Variants in FAM53A observed in about 807,000 individuals in gnomAD.
FAM53A encodes the protein protein FAM53A.
FAM53A carries 28 observed loss-of-function variants against 26.6 expected under a neutral mutation model. That is an observed-to-expected ratio of 1.05 (90% CI 0.78 to 1.45). The LOEUF is 1.45. FAM53A is among the 40% of genes most tolerant of loss of function. The probability of loss-of-function intolerance (pLI) is 0.00; values close to 1 mark genes in which losing one functional copy is unlikely to be tolerated. For synonymous variants in FAM53A, 290 were observed against 253.1 expected, an observed-to-expected ratio of 1.15 and a Z score of -1.38; for missense variants, 650 against 575.8, an observed-to-expected ratio of 1.13 and a Z score of -1.32.
Position 1,657,434 on chromosome 4 carries a change from C to T in FAM53A, c.110G>A (p.Gly37Asp). Residue 37 changes from glycine to aspartate, a missense_variant, in exon 3 of 5, where the codon GGT becomes GAT. By Grantham distance (94) the Gly-to-Asp change is moderately conservative. Coordinates refer to ENST00000308132, the MANE Select transcript of FAM53A (RefSeq NM_001174070.3). ...GTTGAGCTCCAAAGGGAACAGACGACCGCTCTTGTTCAGGGTTTCCGCAGA... is the reference window on the plus strand; with the variant it reads ...GTTGAGCTCCAAAGGGAACAGACGATCGCTCTTGTTCAGGGTTTCCGCAGA... Reference protein sequence around the residue: ...QYSAETLNKSGRLFPLELNDQ... With the variant: ...QYSAETLNKSDRLFPLELNDQ... 1 of 1,613,870 alleles carries T rather than the reference C, an allele frequency of 6.2e-7. No individual in the cohort carries two copies. The highest frequency in any genetic ancestry group is 8.5e-7 in the Non-Finnish European group (1 of 1,179,874).
downstream of FAM53A, among the ~76,000 whole-genome samples, chr4:1,634,983 G>T (rs1715776381): frequency 6.6e-6 from 1 of 151,876 alleles, no homozygotes; most frequent in Admixed American, 6.6e-5. Context: ...TTTCATTCTG[G>T]TAAGTGGCTG....
At chr4:1,574,484 C>G in the FAM53A span, 1 of 152,482 alleles carries the variant, frequency 6.6e-6, no homozygotes, top group South Asian at 2.1e-4. Context: ...GTCAGTGAAG[C>G]CCCCACTCAA....
chr4:1,675,395 GC>G (rs1483440465), intron 1 of FAM53A, among the ~76,000 whole-genome samples: 1 of 152,148 alleles, frequency 6.6e-6, no homozygotes, highest in Non-Finnish European at 1.5e-5. Flanking sequence ...TCCCTCCCAA[GC>G]CCACGAGCAC....
chr4:1,615,289 C>A (rs112910072), downstream of FAM53A, among the ~76,000 whole-genome samples: 1 of 132,382 alleles, frequency 7.6e-6, no homozygotes, highest in Admixed American at 7.8e-5. Flanking sequence ...TGGGCCCACA[C>A]GGAAGACAGG....
the FAM53A span, among the ~76,000 whole-genome samples, chr4:1,602,482 T>C: frequency 1.3e-5 from 2 of 152,242 alleles, no homozygotes; most frequent in African/African-American, 4.8e-5. Flanking sequence ...AATGAATCGC[T>C]GACCTTTCTG....
At chr4:1,580,650 C>G in the FAM53A span, among the ~76,000 whole-genome samples, 46 of 148,676 alleles carry the variant, frequency 3.1e-4, 1 homozygote, top group African/African-American at 1.0e-3. Context: ...CTCAGGGCCC[C>G]GCCTCCCGCC....
the FAM53A span, among the ~76,000 whole-genome samples, chr4:1,585,274 CTCTTT>C: frequency 2.5e-5 from 2 of 79,222 alleles, no homozygotes; most frequent in African/African-American, 3.6e-5. Context: ...CTCTCTCTCT[CTCTTT>C]TTTTTTTTTT....
chr4:1,683,061 C>T (rs1715566056), intron 1 of FAM53A, among the ~76,000 whole-genome samples: 1 of 152,198 alleles, frequency 6.6e-6, no homozygotes, highest in South Asian at 2.1e-4. Flanking sequence ...TGCCAGTACC[C>T]AGCGCACAAG....
At chr4:1,595,552 C>T in the FAM53A span, among the ~76,000 whole-genome samples, 1 of 152,142 alleles carries the variant, frequency 6.6e-6, no homozygotes, top group Non-Finnish European at 1.5e-5. Flanking sequence ...CCTGGGAAGT[C>T]ACCACTGGTA....
At chr4:1,578,519 C>G in the FAM53A span, among the ~76,000 whole-genome samples, 16 of 151,774 alleles carry the variant, frequency 1.1e-4, no homozygotes, top group East Asian at 3.0e-3. Context: ...GTGAGGGGAC[C>G]CTCAGTTACG....
downstream of FAM53A, among the ~76,000 whole-genome samples, chr4:1,613,552 C>T (rs1714703297): frequency 6.6e-6 from 1 of 152,214 alleles, no homozygotes; most frequent in Non-Finnish European, 1.5e-5. Context: ...CACGCAGGCA[C>T]CACGAGAGAA....
At chr4:1,622,654 C>T (rs893341742) in intron 1 of FAM53A, among the ~76,000 whole-genome samples, 2 of 152,210 alleles carry the variant, frequency 1.3e-5, no homozygotes, top group Non-Finnish European at 2.9e-5. Flanking sequence ...TGTGAGGGGA[C>T]GGTGGAGCTC....
chr4:1,626,421 G>A lies in FAM53A; in HGVS notation c.432-8310C>T, dbSNP rs148411741. ...AGTCACACAGAACAGGAAGAACCCC[G>A]ATCACCAGACCCAGCGGGGAAGTCG... On this transcript the variant is annotated intron_variant, in intron 1 of 1. Transcript: ENST00000489029. Among the ~76,000 whole-genome samples the A allele has an allele frequency of 5.0e-4, 76 of 152,358 alleles. 1 individual carries two copies. The Middle Eastern group carries it at 0.02, about 41-fold the overall frequency.
downstream of FAM53A, among the ~76,000 whole-genome samples, chr4:1,637,686 T>C (rs1206534306): frequency 6.6e-6 from 1 of 151,876 alleles, no homozygotes; most frequent in African/African-American, 2.4e-5. Context: ...TGCTGGGGGC[T>C]AGGGGCAGGG....
At chr4:1,649,591 A>C (rs1016316462) in intron 4 of FAM53A, among the ~76,000 whole-genome samples, 2 of 152,230 alleles carry the variant, frequency 1.3e-5, no homozygotes, top group Non-Finnish European at 2.9e-5. Context: ...GTCACTCATT[A>C]TGGGAAATCA....
the FAM53A span, among the ~76,000 whole-genome samples, chr4:1,608,208 TCTC>T: frequency 1.3e-5 from 2 of 151,726 alleles, no homozygotes; most frequent in Non-Finnish European, 2.9e-5. Context: ...GCCCCCCTGG[TCTC>T]CTCAGCCCCT....
intron 1 of FAM53A, among the ~76,000 whole-genome samples, chr4:1,619,858 C>A (rs1056873593): frequency 6.6e-6 from 1 of 152,226 alleles, no homozygotes; most frequent in Non-Finnish European, 1.5e-5. Context: ...ATCTGCCCTG[C>A]GATCATCTAA....
At chr4:1,683,084 A>C (rs898103405) in intron 1 of FAM53A, among the ~76,000 whole-genome samples, 10 of 152,362 alleles carry the variant, frequency 6.6e-5, no homozygotes, top group African/African-American at 2.4e-4. Context: ...GGACTCAAGG[A>C]GGCGGGACAA....
chr4:1,670,026 T>C (rs1017053039), intron 1 of FAM53A, among the ~76,000 whole-genome samples: 3 of 152,160 alleles, frequency 2.0e-5, no homozygotes, highest in Non-Finnish European at 4.4e-5. Flanking sequence ...AGGCAACCCG[T>C]AGGCAGCACC....
Sources: allele counts gnomAD v4.1 joint callset (sites outside exome capture counted in the v4.1 genomes callset), GRCh38; gene constraint gnomAD v4.1.1; transcripts MANE v1.5; gene names NCBI Gene and HGNC (gene_info 2026-07-23, HGNC 2026-07-21).